Variants in ADAM18 observed in about 807,000 individuals in gnomAD.
ADAM18 encodes the protein ADAM metallopeptidase domain 18.
A neutral mutation model predicts 94.4 loss-of-function variants in ADAM18; 117 were observed. The observed-to-expected ratio is 1.24, with a 90% CI of 1.07 to 1.45. The LOEUF is 1.45. Among genes scored for constraint, ADAM18 ranks in the 40% most tolerant of loss-of-function variants. ADAM18 has a pLI of 0.00. For missense variants in ADAM18, 936 were observed against 880.0 expected, an observed-to-expected ratio of 1.06 and a Z score of -0.81; for synonymous variants, 327 against 291.6, an observed-to-expected ratio of 1.12 and a Z score of -1.24.
At chr8:39,658,597 G>A (rs2129579923) in intron 12 of ADAM18, among the ~76,000 whole-genome samples, 1 of 152,240 alleles carries the variant, frequency 6.6e-6, no homozygotes, top group African/African-American at 2.4e-5. Flanking sequence ...TAGCTCATTG[G>A]ACTTCTACAC....
intron 16 of ADAM18, among the ~76,000 whole-genome samples, chr8:39,681,678 T>C (rs1205201028): frequency 6.6e-6 from 1 of 152,164 alleles, no homozygotes; most frequent in Non-Finnish European, 1.5e-5. Flanking sequence ...AAAGCTCATA[T>C]TGCCTGAAAC....
chr8:39,634,240 G>A (rs910915593), intron 7 of ADAM18, among the ~76,000 whole-genome samples: 1 of 152,078 alleles, frequency 6.6e-6, no homozygotes, highest in Non-Finnish European at 1.5e-5. Flanking sequence ...TGTCCACCTG[G>A]TGCTAACTCT....
intron 6 of ADAM18, among the ~76,000 whole-genome samples, chr8:39,620,199 T>C (rs1453432938): frequency 6.6e-6 from 1 of 151,802 alleles, no homozygotes; most frequent in African/African-American, 2.4e-5. Context: ...AATTCCTATC[T>C]CTGAACTTAT....
At chr8:39,682,973 C>T (rs1241847849) in intron 16 of ADAM18, among the ~76,000 whole-genome samples, 6 of 152,170 alleles carry the variant, frequency 3.9e-5, no homozygotes, top group African/African-American at 1.2e-4. Context: ...TTCTTCTGTT[C>T]ACTCCCTTTA....
intron 17 of ADAM18, among the ~76,000 whole-genome samples, chr8:39,704,325 C>T (rs769355216): frequency 6.6e-6 from 1 of 151,934 alleles, no homozygotes; most frequent in Non-Finnish European, 1.5e-5. Flanking sequence ...ACTGGTCAAC[C>T]GAATTCAGAA....
At chr8:39,604,446 C>G (rs1356670861) in intron 2 of ADAM18, among the ~76,000 whole-genome samples, 1 of 152,104 alleles carries the variant, frequency 6.6e-6, no homozygotes, top group Admixed American at 6.5e-5. Flanking sequence ...CTCCAAATCT[C>G]ATGTTGAAAT....
chr8:39,709,135 G>C (rs541186134), intron 18 of ADAM18, among the ~76,000 whole-genome samples: 2 of 152,338 alleles, frequency 1.3e-5, no homozygotes, highest in East Asian at 3.9e-4. Context: ...AGTCATGTGA[G>C]CAAATTGAAG....
chr8:39,667,790 G>A (rs1164357985), intron 13 of ADAM18, among the ~76,000 whole-genome samples: 2 of 152,132 alleles, frequency 1.3e-5, no homozygotes, highest in Non-Finnish European at 2.9e-5. Flanking sequence ...ACTGTCAAAA[G>A]GAATTCTTTC....
intron 2 of ADAM18, among the ~76,000 whole-genome samples, chr8:39,586,510 T>C (rs1414590545): frequency 6.6e-6 from 1 of 152,174 alleles, no homozygotes; most frequent in East Asian, 1.9e-4. Context: ...GGTTGGAGGA[T>C]CGCTTGAGCC....
chr8:39,715,664 T>A (rs1355082008), intron 18 of ADAM18, among the ~76,000 whole-genome samples: 2 of 151,872 alleles, frequency 1.3e-5, no homozygotes, highest in Non-Finnish European at 2.9e-5. Context: ...ATATTGTAAA[T>A]AACCCTATTC....
intron 8 of ADAM18, 75 bp downstream of exon 8, chr8:39,637,410 T>C (rs1820109538): frequency 6.9e-7 from 1 of 1,459,104 alleles, no homozygotes; most frequent in Admixed American, 2.1e-5. Flanking sequence ...TCTTGGCCAA[T>C]GAATAACTTA....
intron 12 of ADAM18, among the ~76,000 whole-genome samples, chr8:39,657,997 T>C (rs1248221005): frequency 2.6e-5 from 4 of 152,190 alleles, no homozygotes; most frequent in Non-Finnish European, 5.9e-5. Context: ...AATATCCAGC[T>C]GTATGCTCTC....
chr8:39,701,311 G>A (rs1822071096), intron 17 of ADAM18, among the ~76,000 whole-genome samples: 1 of 150,568 alleles, frequency 6.6e-6, no homozygotes, highest in Non-Finnish European at 1.5e-5. Context: ...GCTTGTATTT[G>A]CTGATATATG....
Position 39,668,016 on chromosome 8 carries a change from C to G in ADAM18, c.1345C>G (p.Pro449Ala), listed in dbSNP as rs774953133. 4 of 1,613,758 alleles carry G rather than the reference C, an allele frequency of 2.5e-6. No homozygotes were observed. In the African/African-American group the frequency reaches 4.0e-5, roughly 16 times the overall value. ...SKCELSIAGT[P>A]CRKSIDPECD... ...CTCCCAGTTGTCAATAGCAGGCACT[C>G]CATGTAGAAAGAGTATTGATCCAGA... Residue 449 changes from proline (P) to alanine (A), a missense_variant, in exon 14 of 20, where the codon CCA becomes GCA. By Grantham distance (27) the Pro-to-Ala change is conservative. Transcript: ENST00000265707.
chr8:39,717,303 T>TTAC (rs1822607518), intron 18 of ADAM18, among the ~76,000 whole-genome samples: 1 of 97,892 alleles, frequency 1.0e-5, no homozygotes, highest in African/African-American at 3.7e-5. Flanking sequence ...CGTATTTTTA[T>TTAC]AGTTATTTTT....
chr8:39,675,747 C>T (rs191901915), intron 14 of ADAM18, among the ~76,000 whole-genome samples: 1 of 152,342 alleles, frequency 6.6e-6, no homozygotes, highest in East Asian at 1.9e-4. Context: ...CTGGTTTCTT[C>T]CCACCTTTGT....
chr8:39,606,911 G>A (rs1002245637), intron 3 of ADAM18, among the ~76,000 whole-genome samples: 2 of 152,136 alleles, frequency 1.3e-5, no homozygotes, highest in Non-Finnish European at 2.9e-5. Context: ...GAACTTCTGA[G>A]CCAGGAGAAG....
At chr8:39,667,968 A>C in intron 13 of ADAM18, 30 bp from the exon 14 acceptor site, 1 of 1,592,782 alleles carries the variant, frequency 6.3e-7, no homozygotes, top group Non-Finnish European at 8.6e-7. Flanking sequence ...GATTTACAGA[A>C]CTTAATTTTA....
intron 6 of ADAM18, among the ~76,000 whole-genome samples, chr8:39,622,173 T>C (rs576183645): frequency 6.6e-6 from 1 of 151,932 alleles, no homozygotes; most frequent in Admixed American, 6.6e-5. Context: ...TAAAAGTTAT[T>C]GACAAAACTG....
Sources: gnomAD v4.1 joint callset for allele counts (sites outside exome capture counted in the v4.1 genomes callset) on GRCh38, gnomAD v4.1.1 for gene constraint, MANE v1.5 for transcripts, NCBI Gene and HGNC (gene_info 2026-07-23, HGNC 2026-07-21) for gene names.